The following SLX4IP variants were observed in gnomAD, a reference collection of about 807,000 sequenced individuals.
The protein encoded by SLX4IP is protein SLX4IP.
A neutral mutation model predicts 32.9 loss-of-function variants in SLX4IP; 34 were observed. The ratio of observed to expected loss-of-function variants is 1.03; its 90% confidence interval spans 0.79 to 1.38. The LOEUF is 1.38. Ranked by LOEUF, SLX4IP falls within the 40% of genes most tolerant of loss-of-function variation. The pLI is 0.00. For synonymous variants in SLX4IP, 172 were observed against 171.7 expected (o/e 1.00, Z -0.01); for missense variants, 444 against 479.0 (o/e 0.93, Z 0.68).
intron 4 of SLX4IP, among the ~76,000 whole-genome samples, chr20:10,573,073 A>C (rs1755839762): frequency 1.3e-5 from 2 of 152,216 alleles, no homozygotes; most frequent in Admixed American, 6.5e-5. Context: ...CTGCCAAAAA[A>C]AGCTTTCTCC....
At chr20:10,604,360 G>A (rs112677231) in intron 6 of SLX4IP, among the ~76,000 whole-genome samples, 8 of 152,196 alleles carry the variant, frequency 5.3e-5, no homozygotes, top group African/African-American at 1.4e-4. Flanking sequence ...TGCCTTACTC[G>A]TGCTGTAGCC....
chr20:10,558,858 T>C (rs538185764), intron 3 of SLX4IP, among the ~76,000 whole-genome samples: 3 of 152,346 alleles, frequency 2.0e-5, no homozygotes, highest in African/African-American at 7.2e-5. Context: ...ACGTGTGGTG[T>C]GGTCGGTTAC....
At chr20:10,465,378 T>G (rs1014327817) in intron 2 of SLX4IP, among the ~76,000 whole-genome samples, 1 of 152,228 alleles carries the variant, frequency 6.6e-6, no homozygotes, top group Non-Finnish European at 1.5e-5. Flanking sequence ...TGGCTGCTTT[T>G]ATGCTACAAT....
intron 4 of SLX4IP, among the ~76,000 whole-genome samples, chr20:10,581,267 T>C (rs141807886): frequency 0.01 from 1,551 of 152,110 alleles, 28 homozygotes; most frequent in African/African-American, 0.035. Flanking sequence ...GCAGGGCTGA[T>C]GTTGAGAAAA....
intron 4 of SLX4IP, among the ~76,000 whole-genome samples, chr20:10,569,591 G>T (rs1212996227): frequency 1.3e-5 from 2 of 152,188 alleles, no homozygotes; most frequent in African/African-American, 4.8e-5. Flanking sequence ...GACTAGAAGT[G>T]TAAGATCAAG....
chr20:10,460,396 GATGTT>G (rs1421908965), intron 2 of SLX4IP, among the ~76,000 whole-genome samples: 1 of 152,112 alleles, frequency 6.6e-6, no homozygotes, highest in Non-Finnish European at 1.5e-5. Context: ...TTTTCCTTTT[GATGTT>G]GGTTGGGGCT....
intron 2 of SLX4IP, among the ~76,000 whole-genome samples, chr20:10,473,978 A>C (rs1204812824): frequency 6.6e-6 from 1 of 152,076 alleles, no homozygotes; most frequent in Non-Finnish European, 1.5e-5. Context: ...ACACGCCACC[A>C]TGCCTGGCTA....
chr20:10,438,335 C>T (rs2065132200), intron 1 of SLX4IP, among the ~76,000 whole-genome samples: 1 of 151,972 alleles, frequency 6.6e-6, no homozygotes, highest in South Asian at 2.1e-4. Context: ...ACCATCACCT[C>T]ATCAAGATAA....
chr20:10,498,006 G>C (rs2122408364), intron 2 of SLX4IP, among the ~76,000 whole-genome samples: 1 of 151,630 alleles, frequency 6.6e-6, no homozygotes, highest in African/African-American at 2.4e-5. Context: ...TCAGTTCCAT[G>C]ACTCACTTTT....
In SLX4IP at chr20:10,583,861, C is replaced by T. The variant is rs148241277; in HGVS notation, c.239-14814C>T. On this transcript the variant is annotated intron_variant, in intron 4 of 7. Coordinates refer to ENST00000334534, the MANE Select transcript of SLX4IP (RefSeq NM_001009608.3). ...AAACAAAATTTAAAAGACTCTTTTA[C>T]GTAGGCTTCTGAAACTTTGCTTAAT... Among the ~76,000 whole-genome samples the T allele has an allele frequency of 3.8e-3, 576 of 152,166 alleles. 1 individual carries two copies. The highest frequency in any genetic ancestry group is 5.7e-3 in the African/African-American group (236 of 41,508).
intron 5 of SLX4IP, among the ~76,000 whole-genome samples, chr20:10,601,048 A>T (rs2066835767): frequency 6.6e-6 from 1 of 152,178 alleles, no homozygotes; most frequent in South Asian, 2.1e-4. Flanking sequence ...TTGAATGCCG[A>T]GGAGTCCAGT....
intron 4 of SLX4IP, among the ~76,000 whole-genome samples, chr20:10,568,784 A>T (rs959133450): frequency 6.6e-6 from 1 of 152,216 alleles, no homozygotes; most frequent in African/African-American, 2.4e-5. Context: ...TTGCAGAATA[A>T]ACCTATCCCA....
intron 4 of SLX4IP, among the ~76,000 whole-genome samples, chr20:10,563,896 T>C (rs1442251629): frequency 2.6e-5 from 4 of 152,246 alleles, no homozygotes; most frequent in African/African-American, 7.2e-5. Context: ...GGGTCTTTTG[T>C]GGTTCCATAC....
chr20:10,444,580 G>A (rs1054717391), intron 1 of SLX4IP, among the ~76,000 whole-genome samples: 16 of 152,074 alleles, frequency 1.1e-4, no homozygotes, highest in Non-Finnish European at 1.9e-4. Context: ...GTTTCACCAT[G>A]TTGTTCACGC....
chr20:10,555,211 A>G (rs1397483693), intron 2 of SLX4IP, among the ~76,000 whole-genome samples: 1 of 151,758 alleles, frequency 6.6e-6, no homozygotes, highest in Non-Finnish European at 1.5e-5. Context: ...AAAAAAAAAC[A>G]AAACTGTCCA....
At position 10,616,538 on chromosome 20, in the gene SLX4IP, C is replaced by A. The variant is rs188787312; in HGVS notation, c.406-4776C>A. Among the ~76,000 whole-genome samples, 5 of 152,056 alleles carry A rather than the reference C, an allele frequency of 3.3e-5. No individual in the cohort carries two copies. The East Asian group carries it at 9.7e-4, about 29-fold the overall frequency. ...AGTCACACAAGATCTGCCTTTTCAC[C>A]ACCAGTACACACACACACCCCTCTT... is the stretch of plus-strand genomic sequence containing the variant. On this transcript the variant is annotated intron_variant, in intron 6 of 7. Coordinates refer to ENST00000334534, the MANE Select transcript of SLX4IP (RefSeq NM_001009608.3).
In SLX4IP at chr20:10,435,809, G is replaced by A. The variant is rs148462556; in HGVS notation, c.-30+356G>A. Among the ~76,000 whole-genome samples the A allele has an allele frequency of 1.1e-4, 17 of 152,274 alleles. No homozygotes were observed. The East Asian group carries it at 3.3e-3, about 29-fold the overall frequency. ...TGGAGATGTGAGGTAAATACAGATT[G>A]CGTTTGTATATACTTCCCATTCATT... is the stretch of plus-strand genomic sequence containing the variant. On this transcript the variant is annotated intron_variant, in intron 1 of 7. Transcript: ENST00000334534.
chr20:10,516,021 T>C (rs994172371), intron 2 of SLX4IP, among the ~76,000 whole-genome samples: 8 of 152,162 alleles, frequency 5.3e-5, no homozygotes, highest in Admixed American at 1.3e-4. Flanking sequence ...CTCGAGAAGC[T>C]GAGAATACAG....
At chr20:10,523,403 A>C (rs1017942586) in intron 2 of SLX4IP, among the ~76,000 whole-genome samples, 1 of 152,208 alleles carries the variant, frequency 6.6e-6, no homozygotes, top group African/African-American at 2.4e-5. Flanking sequence ...AAATTGCCTA[A>C]ATTGTCTTCC....
Sources: gnomAD v4.1 joint callset for allele counts (sites outside exome capture counted in the v4.1 genomes callset) on GRCh38, gnomAD v4.1.1 for gene constraint, MANE v1.5 for transcripts, NCBI Gene and HGNC (gene_info 2026-07-23, HGNC 2026-07-21) for gene names.